Variants in ADAMTS20 observed in about 807,000 individuals in gnomAD.
ADAMTS20 encodes ADAM metallopeptidase with thrombospondin type 1 motif 20.
ADAMTS20 carries 225 observed loss-of-function variants against 260.1 expected under a neutral mutation model. The observed-to-expected ratio is 0.87, with a 90% confidence interval of 0.78 to 0.97. The LOEUF (loss-of-function observed/expected upper bound fraction) is 0.97. Ranked by LOEUF, ADAMTS20 falls within the 50% of genes least tolerant of loss-of-function variation. ADAMTS20 has a pLI of 0.00. For synonymous variants in ADAMTS20, 802 were observed against 769.5 expected, an observed-to-expected ratio of 1.04 and a Z score of -0.70; for missense variants, 2,400 against 2,337.7, an observed-to-expected ratio of 1.03 and a Z score of -0.55.
At chr12:43,436,815 A>G (rs1941565153) in intron 18 of ADAMTS20, among the ~76,000 whole-genome samples, 1 of 152,322 alleles carries the variant, frequency 6.6e-6, no homozygotes, top group Non-Finnish European at 1.5e-5. Flanking sequence ...GTTATCCCGC[A>G]GCACCCTCAT....
chr12:43,509,480 C>G (rs928027255), intron 3 of ADAMTS20, among the ~76,000 whole-genome samples: 3 of 151,418 alleles, frequency 2.0e-5, no homozygotes, highest in African/African-American at 4.8e-5. Flanking sequence ...TAATTTCTTA[C>G]TTGAACACAC....
chr12:43,366,408 G>C (rs1315493920), intron 37 of ADAMTS20, among the ~76,000 whole-genome samples: 1 of 151,778 alleles, frequency 6.6e-6, no homozygotes, highest in African/African-American at 2.4e-5. Flanking sequence ...TCAGCAGATA[G>C]AACTAAGCAG....
intron 7 of ADAMTS20, among the ~76,000 whole-genome samples, chr12:43,475,327 A>G (rs1942333308): frequency 7.7e-6 from 1 of 129,328 alleles, no homozygotes; most frequent in Non-Finnish European, 1.6e-5. Flanking sequence ...ACCACTGCTC[A>G]AGGAAATAAA....
At chr12:43,382,688 AT>A (rs1401277915) in intron 31 of ADAMTS20, among the ~76,000 whole-genome samples, 2 of 152,138 alleles carry the variant, frequency 1.3e-5, no homozygotes, top group African/African-American at 2.4e-5. Context: ...CAAGAAAAAA[AT>A]AAAATAAAAA....
In ADAMTS20 at chr12:43,432,467, C is replaced by CAG; in HGVS notation, c.2932_2933insCT (p.Cys978SerfsTer18). 6.3e-7 allele frequency: 1 copy of CAG among 1,589,176 alleles called. No homozygotes were observed. The highest frequency in any genetic ancestry group is 8.5e-7 in the Non-Finnish European group (1 of 1,173,460). ...TTCCCCTCCTCCACAACTCCTGGAA[C>CAG]ACTGATTAAAAAAAAAAAAGTGGTA... On this transcript the variant is annotated frameshift_variant and splice_region_variant, in exon 21 of 39. Transcript: ENST00000389420. LOFTEE classifies it high-confidence loss of function.
chr12:43,435,170 A>G (rs1941527039), intron 18 of ADAMTS20, among the ~76,000 whole-genome samples: 1 of 152,216 alleles, frequency 6.6e-6, no homozygotes, highest in South Asian at 2.1e-4. Context: ...TAAACTATGG[A>G]CTTTAATTAA....
intron 32 of ADAMTS20, 34 bp downstream of exon 32, chr12:43,377,331 T>G: frequency 6.4e-7 from 1 of 1,554,158 alleles, no homozygotes. Context: ...AAAGTCTTAT[T>G]CAGAAGTTTT....
chr12:43,439,822 T>A (rs540257446), intron 17 of ADAMTS20, 71 bp from the exon 18 acceptor site: 2 of 1,554,618 alleles, frequency 1.3e-6, no homozygotes, highest in Admixed American at 3.7e-5. Flanking sequence ...TTATATTTGA[T>A]AATGTTAAGC....
At chr12:43,513,790 T>C (rs1417709503) in intron 3 of ADAMTS20, among the ~76,000 whole-genome samples, 2 of 151,688 alleles carry the variant, frequency 1.3e-5, no homozygotes, top group Non-Finnish European at 2.9e-5. Flanking sequence ...AAACCATCAT[T>C]CTCAGCAAAC....
chr12:43,482,976 G>GC (rs1430959342), intron 7 of ADAMTS20, among the ~76,000 whole-genome samples: 1 of 152,120 alleles, frequency 6.6e-6, no homozygotes, highest in Non-Finnish European at 1.5e-5. Flanking sequence ...CATCAGCCTG[G>GC]CTAACCAGGA....
intron 37 of ADAMTS20, among the ~76,000 whole-genome samples, chr12:43,363,874 G>T (rs1022205635): frequency 1.3e-5 from 2 of 152,094 alleles, no homozygotes; most frequent in African/African-American, 4.8e-5. Flanking sequence ...GAGGCCATGG[G>T]GCCTCTATTT....
intron 31 of ADAMTS20, 61 bp downstream of exon 31, chr12:43,383,497 A>T (rs1243404554): frequency 2.0e-6 from 3 of 1,497,486 alleles, no homozygotes; most frequent in Non-Finnish European, 2.7e-6. Context: ...GCTGTGTCAA[A>T]TTGTAGATCC....
chr12:43,400,660 G>A (rs991341781), intron 28 of ADAMTS20, among the ~76,000 whole-genome samples: 2 of 151,128 alleles, frequency 1.3e-5, no homozygotes, highest in Non-Finnish European at 3.0e-5. Flanking sequence ...CACTTACCCT[G>A]CCTCTTTCTT....
intron 3 of ADAMTS20, among the ~76,000 whole-genome samples, chr12:43,511,875 C>A (rs1942928835): frequency 6.6e-6 from 1 of 152,112 alleles, no homozygotes; most frequent in Non-Finnish European, 1.5e-5. Context: ...ACATCTCAAA[C>A]AACTTGCTGA....
In ADAMTS20 at chr12:43,469,979, C is replaced by G. The variant is rs552366979; in HGVS notation, c.1118-1274G>C. Among the ~76,000 whole-genome samples, 29 of 152,222 alleles carry G rather than the reference C, an allele frequency of 1.9e-4. No homozygotes were observed. In the South Asian group the frequency reaches 6.0e-3, roughly 32 times the overall value. Reference sequence around the variant, plus strand: ...TCAAAAGGTCTTGCTTCGGCAAGGTCCCTCCAGAAAACGAGCTTTTTCCTT... The same window carrying G: ...TCAAAAGGTCTTGCTTCGGCAAGGTGCCTCCAGAAAACGAGCTTTTTCCTT... On this transcript the variant is annotated intron_variant, in intron 7 of 38. Transcript: ENST00000389420.
intron 28 of ADAMTS20, among the ~76,000 whole-genome samples, chr12:43,405,955 T>C (rs1023339448): frequency 6.6e-6 from 1 of 152,226 alleles, no homozygotes; most frequent in Non-Finnish European, 1.5e-5. Flanking sequence ...AGCTAATTTC[T>C]GCAGACAACC....
chr12:43,376,606 G>A lies in ADAMTS20; in HGVS notation c.5043C>T (p.Cys1681=), dbSNP rs745684027. The change falls in exon 33 of 39, where the codon TGC becomes TGT. Residue 1681 remains cysteine, a synonymous_variant. Transcript: ENST00000389420. ...GIGIMKRQVK[C]ITKHGLSSDL... is the part of the protein sequence containing the mutation. ...CACTGGACAAACCATGTTTGGTAAT[G>A]CATTTCACTTGTCTCTTCATTATCC... 67 of 1,613,294 alleles carry A rather than the reference G, an allele frequency of 4.2e-5. No homozygotes were observed. The highest frequency in any genetic ancestry group is 5.4e-5 in the Non-Finnish European group (64 of 1,179,660).
intron 29 of ADAMTS20, among the ~76,000 whole-genome samples, chr12:43,396,107 T>G (rs1464404258): frequency 2.0e-5 from 3 of 152,132 alleles, no homozygotes; most frequent in Non-Finnish European, 4.4e-5. Context: ...AATTTGCATC[T>G]AAGGATATAC....
At chr12:43,528,413 T>C (rs963358305) in intron 3 of ADAMTS20, among the ~76,000 whole-genome samples, 3 of 126,136 alleles carry the variant, frequency 2.4e-5, no homozygotes, top group Non-Finnish European at 3.2e-5. Flanking sequence ...CTTCCAATTA[T>C]ACTACAAGGC....
Sources: allele counts gnomAD v4.1 joint callset (sites outside exome capture counted in the v4.1 genomes callset), GRCh38; gene constraint gnomAD v4.1.1; transcripts MANE v1.5; gene names NCBI Gene and HGNC (gene_info 2026-07-23, HGNC 2026-07-21).